ABHD2: variants seen among roughly 807,000 people sequenced by gnomAD.
ABHD2 encodes monoacylglycerol lipase ABHD2.
In ABHD2, 20 loss-of-function variants were observed where a neutral mutation model predicts 48.1. That is an observed-to-expected ratio of 0.42 (90% CI 0.29 to 0.60). The LOEUF (loss-of-function observed/expected upper bound fraction) is 0.60, where lower values mean the gene tolerates loss of function less well. ABHD2 is among the 20% of genes least tolerant of loss of function. ABHD2 has a pLI of 0.24. For synonymous variants in ABHD2, 209 were observed against 214.2 expected, an observed-to-expected ratio of 0.98 and a Z score of 0.21; for missense variants, 405 against 550.9, an observed-to-expected ratio of 0.74 and a Z score of 2.65.
At chr15:89,044,685 G>A in the ABHD2 span, among the ~76,000 whole-genome samples, 1 of 151,734 alleles carries the variant, frequency 6.6e-6, no homozygotes, top group Non-Finnish European at 1.5e-5. Flanking sequence ...TGTGTTTTTT[G>A]GCTGCATAAA....
chr15:89,156,115 CTTTTTTTTTT>C (rs1185978751), intron 5 of ABHD2, among the ~76,000 whole-genome samples: 3 of 85,662 alleles, frequency 3.5e-5, no homozygotes, highest in Admixed American at 1.6e-4. Context: ...TTTTTATTGT[CTTTTTTTTTT>C]TTTTTTTTTT....
intron 1 of ABHD2, among the ~76,000 whole-genome samples, chr15:89,112,058 G>A (rs915103927): frequency 1.3e-5 from 2 of 152,074 alleles, no homozygotes; most frequent in East Asian, 1.9e-4. Flanking sequence ...GATGCTTACG[G>A]GGACCATTCA....
intron 5 of ABHD2, among the ~76,000 whole-genome samples, chr15:89,165,561 G>A (rs1442778856): frequency 6.6e-6 from 1 of 151,766 alleles, no homozygotes; most frequent in Non-Finnish European, 1.5e-5. Flanking sequence ...AAGACCAGCT[G>A]GGCAACATAG....
chr15:89,171,898 G>C (rs2050934723), intron 5 of ABHD2, among the ~76,000 whole-genome samples: 1 of 152,142 alleles, frequency 6.6e-6, no homozygotes, highest in African/African-American at 2.4e-5. Context: ...AATGAAGCTG[G>C]GGAGGCCCCA....
Position 89,179,281 on chromosome 15 carries a change from C to T in ABHD2, c.722+3286C>T, listed in dbSNP as rs2051068537. Among the ~76,000 whole-genome samples, 1 of 152,160 alleles carries T rather than the reference C, an allele frequency of 6.6e-6. No individual in the cohort carries two copies. Among genetic ancestry groups the T allele is most frequent in the African/African-American group, 2.4e-5 (1 of 41,426 alleles). The stretch of plus-strand genomic sequence containing the variant: ...CGCACAGCAGGAGGTGAGCGGTGGG[C>T]AGGTCACAGTGGGCAAAGCAGTAGG... On this transcript the variant is annotated intron_variant, in intron 6 of 10. Transcript: ENST00000352732. This position sits in a 1 kb window ranked among gnomAD's most constrained non-coding sequence, Gnocchi z 4.3.
chr15:89,183,379 AAAAAAATATATATATATATATAT>A (rs1444343221), intron 6 of ABHD2: 16 of 72,256 alleles, frequency 2.2e-4, no homozygotes, highest in African/African-American at 1.4e-3. Context: ...AAAAAAAAAA[AAAAAAATATATATATATATATAT>A]ATATATATAT....
rs900685403 is a variant in ABHD2 at position 89,185,770 on chromosome 15, A to G, written c.815+254A>G. 1.3e-5 allele frequency among the ~76,000 whole-genome samples: 2 copies of G among 152,188 alleles called. No homozygotes were observed. The highest frequency in any genetic ancestry group is 6.5e-5 in the Admixed American group (1 of 15,282). On this transcript the variant is annotated intron_variant, in intron 7 of 10. Coordinates refer to ENST00000352732, the MANE Select transcript of ABHD2 (RefSeq NM_152924.5). This position sits in a 1 kb window ranked among gnomAD's most constrained non-coding sequence, Gnocchi z 5.9. ...GATAGCTTGAGGCCAGGAATTTGAG[A>G]CCAGCCTGGCCAACATGGCGAAACC...
At chr15:89,043,623 GGAA>G in the ABHD2 span, among the ~76,000 whole-genome samples, 4 of 134,626 alleles carry the variant, frequency 3.0e-5, no homozygotes, top group Non-Finnish European at 4.8e-5. Context: ...ACGAGGAGGC[GGAA>G]GGAGGAGGAG....
At chr15:89,107,517 T>C (rs2049805111) in intron 1 of ABHD2, among the ~76,000 whole-genome samples, 1 of 152,116 alleles carries the variant, frequency 6.6e-6, no homozygotes, top group African/African-American at 2.4e-5. Flanking sequence ...ATAGTGGAGA[T>C]GGTAATAGCG....
chr15:89,147,616 G>C (rs994949702), intron 3 of ABHD2, among the ~76,000 whole-genome samples: 2 of 151,342 alleles, frequency 1.3e-5, no homozygotes, highest in Non-Finnish European at 2.9e-5. Flanking sequence ...GCCTCCCAAA[G>C]TGCTGGGATT....
In ABHD2 at chr15:89,136,774, T is replaced by A. The variant is rs547649624; in HGVS notation, c.195-14903T>A. On this transcript the variant is annotated intron_variant, in intron 3 of 10. Coordinates refer to ENST00000352732, the MANE Select transcript of ABHD2 (RefSeq NM_152924.5). ...CCTCCACTAGGAATAGTGGCAAATA[T>A]AATGTGATTTTCCAGCTCTAATCTT... 6.1e-4 allele frequency among the ~76,000 whole-genome samples: 93 copies of A among 152,342 alleles called. 2 individuals are homozygous for A. The highest frequency in any genetic ancestry group is 1.2e-4 in the Non-Finnish European group (8 of 68,034).
the ABHD2 span, among the ~76,000 whole-genome samples, chr15:89,080,002 C>T: frequency 1.3e-5 from 2 of 152,312 alleles, no homozygotes; most frequent in South Asian, 2.1e-4. Context: ...AGCCCCCAAT[C>T]ATAGGGCAGA....
intron 5 of ABHD2, among the ~76,000 whole-genome samples, chr15:89,157,568 G>A (rs1327743242): frequency 4.6e-5 from 7 of 152,190 alleles, no homozygotes; most frequent in Non-Finnish European, 8.8e-5. Context: ...ATTTGGCCGA[G>A]CGCAGTAGCT....
intron 3 of ABHD2, among the ~76,000 whole-genome samples, chr15:89,147,171 G>A (rs952203136): frequency 1.3e-5 from 2 of 152,232 alleles, no homozygotes; most frequent in East Asian, 1.9e-4. Flanking sequence ...GTAGGGAAAC[G>A]ATAGGCCATT....
At chr15:89,089,205 A>G (rs1901494323) in intron 1 of ABHD2, among the ~76,000 whole-genome samples, 1 of 152,240 alleles carries the variant, frequency 6.6e-6, no homozygotes, top group Admixed American at 6.5e-5. Flanking sequence ...GCGATGTCCA[A>G]GCAGTGGCCT....
the ABHD2 span, among the ~76,000 whole-genome samples, chr15:89,063,638 CAT>C: frequency 2.6e-5 from 4 of 151,928 alleles, no homozygotes; most frequent in African/African-American, 9.7e-5. Flanking sequence ...TGTTGTAAAA[CAT>C]AAATAACAAA....
chr15:89,155,637 T>TCTTGCAGATGG lies in ABHD2; in HGVS notation c.538+103_538+104insCTTGCAGATGG. The TCTTGCAGATGG allele has an allele frequency of 7.2e-7, 1 of 1,394,608 alleles. No individual in the cohort carries two copies. Among genetic ancestry groups the TCTTGCAGATGG allele is most frequent in the Non-Finnish European group, 9.7e-7 (1 of 1,027,172 alleles). 86.4% of individuals were successfully genotyped at this position (1,394,608 alleles called of 1,614,324 possible). On this transcript the variant is annotated intron_variant, in intron 5 of 10. Coordinates refer to ENST00000352732, the MANE Select transcript of ABHD2 (RefSeq NM_152924.5). The surrounding 1 kb of genome is among the most constrained non-coding windows in gnomAD (Gnocchi z 4.9). ...TTTAAGTTTTAAACCTATGCCCATC[T>TCTTGCAGATGG]GCAAGAGATGGTAGGTCACACGGTT...
chr15:89,179,979 C>T lies in ABHD2; in HGVS notation c.722+3984C>T, dbSNP rs995093072. ...TCTCTTGCTTTTGATGGGCAAACTT[C>T]AGGCTAGAGATGAGTTTATGGCAAA... On this transcript the variant is annotated intron_variant, in intron 6 of 10. Coordinates refer to ENST00000352732, the MANE Select transcript of ABHD2 (RefSeq NM_152924.5). This position sits in a 1 kb window ranked among gnomAD's most constrained non-coding sequence, Gnocchi z 4.3. Among the ~76,000 whole-genome samples the T allele has an allele frequency of 6.6e-6, 1 of 152,232 alleles. No individual in the cohort carries two copies. Among genetic ancestry groups the T allele is most frequent in the Non-Finnish European group, 1.5e-5 (1 of 68,036 alleles).
chr15:89,184,830 C>T lies in ABHD2; in HGVS notation c.723-594C>T, dbSNP rs190860652. 2.6e-5 allele frequency among the ~76,000 whole-genome samples: 4 copies of T among 152,348 alleles called. No homozygotes were observed. Among genetic ancestry groups the T allele is most frequent in the Admixed American group, 2.0e-4 (3 of 15,306 alleles). On this transcript the variant is annotated intron_variant, in intron 6 of 10. Coordinates refer to ENST00000352732, the MANE Select transcript of ABHD2 (RefSeq NM_152924.5). This position sits in a 1 kb window ranked among gnomAD's most constrained non-coding sequence, Gnocchi z 5.1. ...GAAAGACACTTCCAGACCAGCCCCA[C>T]CAGCTGTGCCTACAAAGGGTTAAGG...
Sources: allele counts gnomAD v4.1 joint callset (sites outside exome capture counted in the v4.1 genomes callset), GRCh38; gene constraint gnomAD v4.1.1; non-coding constraint Gnocchi (gnomAD v3.1); transcripts MANE v1.5; gene names NCBI Gene and HGNC (gene_info 2026-07-23, HGNC 2026-07-21).